Variants in OTOGL observed in about 807,000 individuals in gnomAD.
OTOGL encodes the protein otogelin-like protein.
A neutral mutation model predicts 318.5 loss-of-function variants in OTOGL; 285 were observed. The observed-to-expected ratio is 0.89, with a 90% CI of 0.81 to 0.99. OTOGL has a LOEUF of 0.99. OTOGL is among the 50% of genes least tolerant of loss of function. OTOGL has a pLI of 0.00. For synonymous variants in OTOGL, 987 were observed against 936.5 expected, an observed-to-expected ratio of 1.05 and a Z score of -0.99; for missense variants, 2,899 against 2,845.6, an observed-to-expected ratio of 1.02 and a Z score of -0.43.
intron 11 of OTOGL, among the ~76,000 whole-genome samples, chr12:80,250,300 T>G (rs985298484): frequency 1.3e-5 from 2 of 152,208 alleles, no homozygotes; most frequent in African/African-American, 2.4e-5. Flanking sequence ...TTCTTGATAA[T>G]AATTTCTTTC....
chr12:80,340,648 G>C (rs143057300), intron 43 of OTOGL, among the ~76,000 whole-genome samples: 200 of 152,178 alleles, frequency 1.3e-3, no homozygotes, highest in African/African-American at 4.7e-3. Flanking sequence ...TAAATTCCTT[G>C]ACCTCCACAA....
In OTOGL at chr12:80,278,170, T is replaced by C; in HGVS notation, c.2684T>C (p.Met895Thr). Residue 895 changes from methionine (M) to threonine (T), a missense_variant and splice_region_variant, in exon 25 of 59, where the codon ATG becomes ACG. By Grantham distance (81) the Met-to-Thr change is moderately conservative. This residue lies in a region of OTOGL where 2,607 missense variants were observed against 2,524.9 expected (regional missense o/e 1.03). Transcript: ENST00000547103. ...GCATTTTATTCTTCATTTGGAAGAA[T>C]GGCAGAGCACAGAGGAAAGTGTTAT... ...CISGCVCAPG[M>T]AEHRGKCYVP... 6 of 1,543,834 alleles carry C rather than the reference T, an allele frequency of 3.9e-6. No individual in the cohort carries two copies. The highest frequency in any genetic ancestry group is 1.2e-5 in the South Asian group (1 of 83,724).
chr12:80,289,859 G>A (rs963396816), intron 26 of OTOGL, among the ~76,000 whole-genome samples: 1 of 152,186 alleles, frequency 6.6e-6, no homozygotes, highest in Non-Finnish European at 1.5e-5. Context: ...CGCTGAGTGA[G>A]ACCACTTGGC....
chr12:80,241,269 A>G (rs1880352277), intron 11 of OTOGL, among the ~76,000 whole-genome samples: 1 of 152,130 alleles, frequency 6.6e-6, no homozygotes, highest in Non-Finnish European at 1.5e-5. Context: ...TTTTGAATAG[A>G]GTGCAGTTAT....
intron 27 of OTOGL, among the ~76,000 whole-genome samples, chr12:80,300,861 A>G (rs1277513946): frequency 1.3e-5 from 2 of 152,230 alleles, no homozygotes; most frequent in Non-Finnish European, 2.9e-5. Context: ...GAGAGCCAGC[A>G]TAGCTGAAGC....
chr12:80,322,296 A>G (rs1463587813), intron 34 of OTOGL, among the ~76,000 whole-genome samples: 1 of 152,038 alleles, frequency 6.6e-6, no homozygotes, highest in Non-Finnish European at 1.5e-5. Context: ...ACAGGCCTCT[A>G]TTTCCCCTCT....
chr12:80,206,781 C>G (rs1592545658), intron 1 of OTOGL, among the ~76,000 whole-genome samples: 2 of 151,396 alleles, frequency 1.3e-5, no homozygotes, highest in African/African-American at 4.9e-5. Context: ...AGTGCTGGGA[C>G]TACAGGCGTG....
intron 1 of OTOGL, among the ~76,000 whole-genome samples, chr12:80,176,608 T>C (rs943259844): frequency 6.6e-6 from 1 of 152,202 alleles, no homozygotes; most frequent in African/African-American, 2.4e-5. Flanking sequence ...AGTATTCCAT[T>C]GTATGGATAT....
chr12:80,308,413 G>T (rs1886379311), intron 29 of OTOGL, among the ~76,000 whole-genome samples: 1 of 151,996 alleles, frequency 6.6e-6, no homozygotes, highest in East Asian at 1.9e-4. Context: ...ACGATGGGCG[G>T]CCGGGCAGAG....
chr12:80,156,443 C>A (rs1873122792), intron 1 of OTOGL, among the ~76,000 whole-genome samples: 1 of 152,150 alleles, frequency 6.6e-6, no homozygotes, highest in Non-Finnish European at 1.5e-5. Flanking sequence ...AGTTCTGTCC[C>A]TCTAGAGAAC....
intron 32 of OTOGL, among the ~76,000 whole-genome samples, chr12:80,317,076 T>C (rs1887019194): frequency 6.6e-6 from 1 of 152,218 alleles, no homozygotes; most frequent in African/African-American, 2.4e-5. Flanking sequence ...AATATGTTTG[T>C]GTTCATTTAT....
At chr12:80,109,313 T>A (rs1869687336) in intron 1 of OTOGL, among the ~76,000 whole-genome samples, 1 of 152,192 alleles carries the variant, frequency 6.6e-6, no homozygotes, top group Admixed American at 6.5e-5. Context: ...CTATTTTAAA[T>A]CAAACAACAC....
At chr12:80,137,240 G>A (rs1871635934) in intron 1 of OTOGL, among the ~76,000 whole-genome samples, 1 of 151,772 alleles carries the variant, frequency 6.6e-6, no homozygotes, top group Non-Finnish European at 1.5e-5. Flanking sequence ...ATAATTTCAT[G>A]TTATATAATA....
chr12:80,154,082 G>C (rs769066584), intron 1 of OTOGL, among the ~76,000 whole-genome samples: 1 of 152,204 alleles, frequency 6.6e-6, no homozygotes, highest in Non-Finnish European at 1.5e-5. Context: ...GCCGAGGTGG[G>C]TGGATCACTT....
In OTOGL at chr12:80,379,588, T is replaced by TAG. The variant is rs1566028960; in HGVS notation, c.*1541_*1542insGA. On this transcript the variant is annotated 3_prime_UTR_variant, in exon 59 of 59. Coordinates refer to ENST00000547103, the MANE Select transcript of OTOGL (RefSeq NM_001378609.3). ...TGATTCCTATTAACATATAGATATATAAAATTAAATGTTTTTGGTTAAAAT... is the reference window on the plus strand; with the variant it reads ...TGATTCCTATTAACATATAGATATATAGAAAATTAAATGTTTTTGGTTAAAAT... 2.6e-5 allele frequency: 4 copies of TAG among 151,368 alleles called. No individual in the cohort carries two copies. The highest frequency in any genetic ancestry group is 2.6e-4 in the Admixed American group (4 of 15,182). 9.4% of individuals were successfully genotyped at this position (151,368 alleles called of 1,614,324 possible).
chr12:80,297,539 G>A (rs775865110), intron 27 of OTOGL, among the ~76,000 whole-genome samples: 11 of 152,054 alleles, frequency 7.2e-5, no homozygotes, highest in Non-Finnish European at 1.0e-4. Flanking sequence ...CACCATCTTG[G>A]TTAGGCTGGT....
chr12:80,225,090 G>A (rs1374814722), intron 7 of OTOGL, among the ~76,000 whole-genome samples: 1 of 151,548 alleles, frequency 6.6e-6, no homozygotes, highest in African/African-American at 2.4e-5. Flanking sequence ...TGTATTTAAA[G>A]TAAAAAAAAA....
intron 11 of OTOGL, among the ~76,000 whole-genome samples, chr12:80,243,404 T>A (rs1426732701): frequency 6.6e-6 from 1 of 151,918 alleles, no homozygotes; most frequent in Non-Finnish European, 1.5e-5. Flanking sequence ...TCAGATGAAG[T>A]AAAAACTAAG....
intron 26 of OTOGL, among the ~76,000 whole-genome samples, chr12:80,281,579 C>T (rs906494866): frequency 3.3e-5 from 5 of 151,998 alleles, no homozygotes; most frequent in Middle Eastern, 3.4e-3. Context: ...TTTTGATGTG[C>T]TGCTAGATTC....
Sources: allele counts gnomAD v4.1 joint callset (sites outside exome capture counted in the v4.1 genomes callset), GRCh38; gene constraint gnomAD v4.1.1; regional missense constraint gnomAD v4.1.1; transcripts MANE v1.5; gene names NCBI Gene and HGNC (gene_info 2026-07-23, HGNC 2026-07-21).